TMTC2: variants seen among roughly 807,000 people sequenced by gnomAD.
The protein encoded by TMTC2 is transmembrane O-mannosyltransferase targeting cadherins 2.
Under a neutral mutation model 82.4 loss-of-function variants are expected in TMTC2, and 43 were observed. The observed-to-expected ratio is 0.52, with a 90% CI of 0.41 to 0.67. The LOEUF is 0.67. TMTC2 is among the 30% of genes least tolerant of loss of function. The probability of loss-of-function intolerance (pLI) is 0.00; values close to 1 mark genes in which losing one functional copy is unlikely to be tolerated. For synonymous variants in TMTC2, 408 were observed against 381.9 expected, an observed-to-expected ratio of 1.07 and a Z score of -0.80; for missense variants, 919 against 1,012.4, an observed-to-expected ratio of 0.91 and a Z score of 1.25.
At position 83,088,564 on chromosome 12, in the gene TMTC2, A is replaced by G. The variant is rs148089850; in HGVS notation, c.2331+26733A>G. The stretch of plus-strand genomic sequence containing the variant: ...AGGATTATTAATTGGCCTAATTTCA[A>G]TATTGTTGTGTCTCTAGGAATGGGG... On this transcript the variant is annotated intron_variant, in intron 11 of 11. Coordinates refer to ENST00000321196, the MANE Select transcript of TMTC2 (RefSeq NM_152588.3). Among the ~76,000 whole-genome samples, 51 of 152,306 alleles carry G rather than the reference A, an allele frequency of 3.3e-4. No individual in the cohort carries two copies. In the East Asian group the frequency reaches 7.1e-3, roughly 21 times the overall value.
chr12:83,071,078 T>C (rs981860443), intron 11 of TMTC2, among the ~76,000 whole-genome samples: 2 of 152,162 alleles, frequency 1.3e-5, no homozygotes, highest in Non-Finnish European at 2.9e-5. Context: ...TATATGTTGT[T>C]GGATTCAGTT....
At chr12:82,839,592 A>G (rs1046412777) in intron 1 of TMTC2, among the ~76,000 whole-genome samples, 1 of 152,222 alleles carries the variant, frequency 6.6e-6, no homozygotes. Context: ...CTTTAAAAAC[A>G]TAATAAAGTG....
At chr12:82,886,265 C>A (rs1342100128) in intron 2 of TMTC2, among the ~76,000 whole-genome samples, 1 of 152,110 alleles carries the variant, frequency 6.6e-6, no homozygotes, top group East Asian at 1.9e-4. Context: ...CTGTTCCAGT[C>A]CTAAAATCAA....
intron 1 of TMTC2, among the ~76,000 whole-genome samples, chr12:82,710,535 G>T (rs1370010564): frequency 2.0e-5 from 3 of 152,100 alleles, no homozygotes; most frequent in Non-Finnish European, 4.4e-5. Flanking sequence ...GTTACCTGTT[G>T]GATACTTACG....
At chr12:82,860,011 T>C (rs772526400) in intron 2 of TMTC2, among the ~76,000 whole-genome samples, 1 of 152,196 alleles carries the variant, frequency 6.6e-6, no homozygotes, top group Non-Finnish European at 1.5e-5. Flanking sequence ...TCTTGCCCTG[T>C]CGCCTAGGCT....
At chr12:82,727,429 T>G (rs1486080473) in intron 1 of TMTC2, among the ~76,000 whole-genome samples, 2 of 152,080 alleles carry the variant, frequency 1.3e-5, no homozygotes, top group Non-Finnish European at 2.9e-5. Flanking sequence ...TTCCCAAGAC[T>G]AGAGGATTCA....
At chr12:82,719,668 T>A (rs1565720796) in intron 1 of TMTC2, among the ~76,000 whole-genome samples, 1 of 67,222 alleles carries the variant, frequency 1.5e-5, no homozygotes, top group African/African-American at 5.6e-5. Context: ...TATGTCTCTC[T>A]GTCTTTTTTT....
chr12:82,812,047 A>T (rs1380331313), intron 1 of TMTC2, among the ~76,000 whole-genome samples: 1 of 151,722 alleles, frequency 6.6e-6, no homozygotes, highest in African/African-American at 2.4e-5. Flanking sequence ...CGAACTCCTG[A>T]CCTCAGGTGA....
chr12:82,954,074 A>G (rs1877486834), intron 4 of TMTC2, among the ~76,000 whole-genome samples: 1 of 151,880 alleles, frequency 6.6e-6, no homozygotes, highest in African/African-American at 2.4e-5. Flanking sequence ...ATTCTTGGTA[A>G]TATAGTCCTA....
rs73159429 is a variant in TMTC2 at position 82,917,134 on chromosome 12, C to T, written c.1484-13297C>T. 4.2e-3 allele frequency among the ~76,000 whole-genome samples: 640 copies of T among 152,212 alleles called. 3 individuals carry two copies. The highest frequency in any genetic ancestry group is 6.8e-3 in the Middle Eastern group (2 of 294). ...GCTCAGTCTACAAGTGTTGACCCCG[C>T]CCCATAGTCTTTGCTAATAGATGGA... On this transcript the variant is annotated intron_variant, in intron 3 of 11. Transcript: ENST00000321196.
At chr12:82,850,079 A>T (rs1353895048) in intron 1 of TMTC2, among the ~76,000 whole-genome samples, 1 of 152,018 alleles carries the variant, frequency 6.6e-6, no homozygotes, top group Non-Finnish European at 1.5e-5. Flanking sequence ...GGGCAGTGTC[A>T]TCCTACCCAC....
At chr12:83,043,609 C>A (rs1260897297) in intron 9 of TMTC2, among the ~76,000 whole-genome samples, 3 of 152,192 alleles carry the variant, frequency 2.0e-5, no homozygotes, top group Non-Finnish European at 4.4e-5. Flanking sequence ...TGCATTCAGC[C>A]TGTGATACCT....
At chr12:82,831,520 T>G (rs1339868522) in intron 1 of TMTC2, among the ~76,000 whole-genome samples, 1 of 152,034 alleles carries the variant, frequency 6.6e-6, no homozygotes, top group Non-Finnish European at 1.5e-5. Flanking sequence ...GTTGAATGAG[T>G]CTGTCTTTAG....
chr12:83,061,977 A>ATTTTGAATACC, intron 11 of TMTC2, 146 bp downstream of exon 11: 1 of 584,632 alleles, frequency 1.7e-6, no homozygotes, highest in East Asian at 3.0e-5. Flanking sequence ...CTGAGCTCTT[A>ATTTTGAATACC]TTTTGAATAC....
intron 1 of TMTC2, among the ~76,000 whole-genome samples, chr12:82,828,561 T>C (rs1189237077): frequency 3.3e-5 from 5 of 152,180 alleles, no homozygotes; most frequent in Admixed American, 1.3e-4. Context: ...GAAAGAGATA[T>C]TCTTTGTAAA....
chr12:82,904,900 T>C (rs1200205294), intron 3 of TMTC2, among the ~76,000 whole-genome samples: 1 of 152,110 alleles, frequency 6.6e-6, no homozygotes, highest in Non-Finnish European at 1.5e-5. Flanking sequence ...TTTGACTATC[T>C]TTCTCCAATT....
rs533565433 is a variant in TMTC2, at chr12:83,075,010, G to C, written c.2331+13179G>C. On this transcript the variant is annotated intron_variant, in intron 11 of 11. Coordinates refer to ENST00000321196, the MANE Select transcript of TMTC2 (RefSeq NM_152588.3). ...GATGGATCCCTGTGGTGTCAGGCAG[G>C]AATGGCCTGCTTGGGGACCGAGCGA... Among the ~76,000 whole-genome samples, 3 of 152,308 alleles carry C rather than the reference G, an allele frequency of 2.0e-5. No individual in the cohort carries two copies. In the South Asian group the frequency reaches 6.2e-4, roughly 32 times the overall value.
chr12:82,878,168 G>T (rs1872672800), intron 2 of TMTC2, among the ~76,000 whole-genome samples: 1 of 152,148 alleles, frequency 6.6e-6, no homozygotes, highest in African/African-American at 2.4e-5. Flanking sequence ...TCTGTGCCAG[G>T]TGCTGGTCTA....
intron 2 of TMTC2, among the ~76,000 whole-genome samples, chr12:82,890,503 A>G (rs888968755): frequency 2.0e-5 from 3 of 152,216 alleles, no homozygotes; most frequent in African/African-American, 4.8e-5. Flanking sequence ...TGAGGCAAAT[A>G]TACCTTAAAA....
Sources: allele counts gnomAD v4.1 joint callset (sites outside exome capture counted in the v4.1 genomes callset), GRCh38; gene constraint gnomAD v4.1.1; transcripts MANE v1.5; gene names NCBI Gene and HGNC (gene_info 2026-07-23, HGNC 2026-07-21).